PHC2: variants seen among roughly 807,000 people sequenced by gnomAD.
The protein encoded by PHC2 is polyhomeotic-like protein 2.
Under a neutral mutation model 87.4 loss-of-function variants are expected in PHC2, and 29 were observed. The ratio of observed to expected loss-of-function variants is 0.33; its 90% CI spans 0.25 to 0.45. The LOEUF is 0.45. Among genes scored for constraint, PHC2 ranks in the 20% least tolerant of loss-of-function variants. The probability of loss-of-function intolerance (pLI) is 1.00; values close to 1 mark genes in which losing one functional copy is unlikely to be tolerated. For missense variants in PHC2, 857 were observed against 1,136.7 expected (o/e 0.75, Z 3.54); for synonymous variants, 438 against 461.7 (o/e 0.95, Z 0.66).
intron 9 of PHC2, among the ~76,000 whole-genome samples, chr1:33,339,664 G>A (rs1313007506): frequency 5.3e-5 from 8 of 152,216 alleles, no homozygotes; most frequent in Admixed American, 4.6e-4. Flanking sequence ...GAGGACAGAC[G>A]TCAGGCTGGT....
intron 14 of PHC2, chr1:33,325,351 C>T (rs1256894193): frequency 8.3e-6 from 2 of 241,780 alleles, no homozygotes; most frequent in East Asian, 2.0e-4. Context: ...CAGCAGTTCT[C>T]ACCTCACTCT....
chr1:33,329,216 G>T, intron 13 of PHC2, 70 bp from the exon 14 acceptor site: 1 of 1,500,244 alleles, frequency 6.7e-7, no homozygotes, highest in Non-Finnish European at 9.1e-7. Context: ...AACAAAGGAG[G>T]TATTTCTCCT....
chr1:33,364,842 T>C lies in PHC2; in HGVS notation c.976+2274A>G, dbSNP rs1206782873. Reference sequence around the variant, plus strand: ...AGTTCTGTGGAGCCACTGGTCTCTGTACTGCATTCTAGCCAGGCACTGTTA... The same window carrying C: ...AGTTCTGTGGAGCCACTGGTCTCTGCACTGCATTCTAGCCAGGCACTGTTA... On this transcript the variant is annotated intron_variant, in intron 7 of 14. Transcript: ENST00000683057. This position sits in a 1 kb window ranked among gnomAD's most constrained non-coding sequence, Gnocchi z 4.1. Among the ~76,000 whole-genome samples the C allele has an allele frequency of 6.6e-6, 1 of 152,228 alleles. No individual in the cohort carries two copies. Among genetic ancestry groups the C allele is most frequent in the Non-Finnish European group, 1.5e-5 (1 of 68,040 alleles).
At position 33,412,151 on chromosome 1, in the gene PHC2, T is replaced by G. The variant is rs192453852; in HGVS notation, c.-55+18825A>C. Among the ~76,000 whole-genome samples the G allele has an allele frequency of 4.6e-5, 7 of 152,272 alleles. No homozygotes were observed. In the East Asian group the frequency reaches 1.4e-3, roughly 29 times the overall value. On this transcript the variant is annotated intron_variant, in intron 1 of 14. Transcript: ENST00000683057. ...TAGAAAGGAAGAAGTAAAACTGTAT[T>G]TGCAAACAACATAATTGTGTTTGTA...
At chr1:33,398,378 A>G (rs1649379721) in intron 1 of PHC2, among the ~76,000 whole-genome samples, 1 of 152,254 alleles carries the variant, frequency 6.6e-6, no homozygotes, top group Non-Finnish European at 1.5e-5. Flanking sequence ...AAATGGCACT[A>G]AGCTTGTTAC....
chr1:33,395,078 C>T (rs889682423), intron 1 of PHC2, among the ~76,000 whole-genome samples: 1 of 152,206 alleles, frequency 6.6e-6, no homozygotes, highest in African/African-American at 2.4e-5. Context: ...GCCCCCAAAC[C>T]TGTGGTATAT....
chr1:33,383,881 T>C (rs1648611908), intron 1 of PHC2, among the ~76,000 whole-genome samples: 1 of 150,144 alleles, frequency 6.7e-6, no homozygotes, highest in Non-Finnish European at 1.5e-5. Flanking sequence ...CACCAGAAGC[T>C]AGGAAGAGGC....
Position 33,349,124 on chromosome 1 carries a change from C to A in PHC2, c.1558+5277G>T, listed in dbSNP as rs1173039163. 2.0e-6 allele frequency: 2 copies of A among 985,302 alleles called. No homozygotes were observed. Among genetic ancestry groups the A allele is most frequent in the Non-Finnish European group, 1.2e-6 (1 of 829,888 alleles). The allele number at this position is 985,302 out of a possible 1,614,324, so 61.0% of individuals were successfully genotyped here. A position where few individuals can be genotyped will look rare whatever the true frequency, so the allele number is the denominator to read the frequency against. On this transcript the variant is annotated intron_variant, in intron 9 of 14. Transcript: ENST00000683057. This position sits in a 1 kb window ranked among gnomAD's most constrained non-coding sequence, Gnocchi z 4.2. ...AGAAAAGACACAGAACAGCTTGTCCCTTTCCATCCAATTAAAAACCTCGTG... is the reference window on the plus strand; with the variant it reads ...AGAAAAGACACAGAACAGCTTGTCCATTTCCATCCAATTAAAAACCTCGTG...
intron 1 of PHC2, among the ~76,000 whole-genome samples, chr1:33,397,649 C>G (rs1649351125): frequency 6.6e-6 from 1 of 151,926 alleles, no homozygotes; most frequent in African/African-American, 2.4e-5. Context: ...AGCTCTCTGC[C>G]CTCTTTGTTT....
rs1309896385 is a variant in PHC2, at chr1:33,334,924, T to C, written c.1559-632A>G. Among the ~76,000 whole-genome samples the C allele has an allele frequency of 2.0e-5, 3 of 152,208 alleles. No homozygotes were observed. The East Asian group carries it at 5.8e-4, about 29-fold the overall frequency. ...TGCATTGAAATATGCAGAAATTCCA[T>C]TTCTCTGCTAAGAAGGCTGCTAGGC... On this transcript the variant is annotated intron_variant, in intron 9 of 14. Transcript: ENST00000683057. The surrounding 1 kb of genome is among the most constrained non-coding windows in gnomAD (Gnocchi z 5.5).
In PHC2 at chr1:33,349,845, T is replaced by TGC. The variant is rs570581954; in HGVS notation, c.1558+4554_1558+4555dup. 5.3e-3 allele frequency: 5,110 copies of TGC among 964,502 alleles called. 10 individuals carry two copies. The highest frequency in any genetic ancestry group is 5.6e-3 in the Non-Finnish European group (4,548 of 815,974). The allele number at this position is 964,502 out of a possible 1,614,324, so 59.7% of individuals were successfully genotyped here. Reference sequence around the variant, plus strand: ...CGGGAGCGCGGGCGGCGGCCGGGGTTGCGCGCGCGCGCGCGGCGGGCGCTC... The same window carrying TGC: ...CGGGAGCGCGGGCGGCGGCCGGGGTTGCGCGCGCGCGCGCGCGGCGGGCGCTC... On this transcript the variant is annotated intron_variant, in intron 9 of 14. Coordinates refer to ENST00000683057, the MANE Select transcript of PHC2 (RefSeq NM_001385109.1). The surrounding 1 kb of genome is among the most constrained non-coding windows in gnomAD (Gnocchi z 4.2).
At position 33,369,658 on chromosome 1, in the gene PHC2, A is replaced by T. The variant is rs139832739; in HGVS notation, c.576+763T>A. On this transcript the variant is annotated intron_variant, in intron 5 of 14. Coordinates refer to ENST00000683057, the MANE Select transcript of PHC2 (RefSeq NM_001385109.1). This position sits in a 1 kb window ranked among gnomAD's most constrained non-coding sequence, Gnocchi z 4.7. ...ACGTCCTGGCCATAAGAGCAAAGGG[A>T]GGGGTGGGACTGTGTTACTTTCGGG... 6.6e-6 allele frequency among the ~76,000 whole-genome samples: 1 copy of T among 152,182 alleles called. No individual in the cohort carries two copies. The highest frequency in any genetic ancestry group is 2.4e-5 in the African/African-American group (1 of 41,516).
intron 9 of PHC2, chr1:33,336,492 G>A (rs892015829): frequency 2.6e-5 from 4 of 152,056 alleles, no homozygotes; most frequent in African/African-American, 9.7e-5. Flanking sequence ...AGTTATACCA[G>A]TAAGTTAGAA....
intron 1 of PHC2, among the ~76,000 whole-genome samples, chr1:33,395,386 A>T (rs1209306555): frequency 1.3e-5 from 2 of 152,146 alleles, no homozygotes; most frequent in Non-Finnish European, 2.9e-5. Flanking sequence ...CTCTGTCAAA[A>T]TTTACAGAAT....
chr1:33,427,574 G>A (rs985726804), intron 1 of PHC2, among the ~76,000 whole-genome samples: 1 of 151,870 alleles, frequency 6.6e-6, no homozygotes, highest in Admixed American at 6.6e-5. Flanking sequence ...ATATCCCCAT[G>A]GCCACCCCCG....
chr1:33,428,571 G>A (rs1650776389), intron 1 of PHC2, among the ~76,000 whole-genome samples: 1 of 152,190 alleles, frequency 6.6e-6, no homozygotes, highest in South Asian at 2.1e-4. Context: ...GCTACTCTGG[G>A]CCCAACCTTG....
chr1:33,424,406 A>T (rs1007338297), intron 1 of PHC2, among the ~76,000 whole-genome samples: 1 of 152,200 alleles, frequency 6.6e-6, no homozygotes, highest in Admixed American at 6.5e-5. Flanking sequence ...GTGGGCCTGT[A>T]AAAATTCCTG....
At chr1:33,418,867 G>A (rs1052995516) in intron 1 of PHC2, among the ~76,000 whole-genome samples, 1 of 152,198 alleles carries the variant, frequency 6.6e-6, no homozygotes, top group African/African-American at 2.4e-5. Flanking sequence ...ATGGAGAAGA[G>A]GCTAGAAGAT....
intron 2 of PHC2, among the ~76,000 whole-genome samples, chr1:33,372,951 T>C (rs78168345): frequency 0.032 from 4,850 of 152,230 alleles, 112 homozygotes; most frequent in Middle Eastern, 0.11. Context: ...CAGGCAAACT[T>C]AGGTGGAGGC....
Sources: gnomAD v4.1 joint callset for allele counts (sites outside exome capture counted in the v4.1 genomes callset) on GRCh38, gnomAD v4.1.1 for gene constraint, Gnocchi (gnomAD v3.1) non-coding constraint, MANE v1.5 for transcripts, NCBI Gene and HGNC (gene_info 2026-07-23, HGNC 2026-07-21) for gene names.